DIS3L2: variants seen among roughly 807,000 people sequenced by gnomAD.
The protein encoded by DIS3L2 is DIS3-like exonuclease 2.
In DIS3L2, 34 loss-of-function variants were observed where a neutral mutation model predicts 97.5. The observed-to-expected ratio is 0.35, with a 90% CI of 0.27 to 0.46. The LOEUF (loss-of-function observed/expected upper bound fraction) is 0.46. Among genes scored for constraint, DIS3L2 ranks in the 20% least tolerant of loss-of-function variants. The pLI is 1.00. For missense variants in DIS3L2, 1,038 were observed against 1,146.0 expected, an observed-to-expected ratio of 0.91 and a Z score of 1.36; for synonymous variants, 435 against 445.2, an observed-to-expected ratio of 0.98 and a Z score of 0.29.
At chr2:232,130,943 G>T in intron 7 of DIS3L2, 2 of 538,190 alleles carry the variant, frequency 3.7e-6, no homozygotes, top group South Asian at 3.8e-5. Flanking sequence ...TTTGAGTGTG[G>T]GTATGTTGAT....
At chr2:232,214,114 T>C (rs1005697375) in intron 10 of DIS3L2, among the ~76,000 whole-genome samples, 2 of 152,216 alleles carry the variant, frequency 1.3e-5, no homozygotes, top group South Asian at 2.1e-4. Context: ...AGTGGCGTTA[T>C]AGTGATAACC....
At chr2:232,109,070 T>G (rs1697443685) in intron 6 of DIS3L2, among the ~76,000 whole-genome samples, 1 of 152,200 alleles carries the variant, frequency 6.6e-6, no homozygotes, top group Non-Finnish European at 1.5e-5. Context: ...AAAATTCATA[T>G]GGAACCACAA....
intron 5 of DIS3L2, among the ~76,000 whole-genome samples, chr2:232,056,058 C>T (rs189390390): frequency 4.6e-4 from 70 of 152,164 alleles, no homozygotes; most frequent in African/African-American, 1.5e-3. Context: ...TTAGGGGCAC[C>T]AAAAATTTCT....
chr2:232,029,604 A>G (rs886596668), intron 4 of DIS3L2, among the ~76,000 whole-genome samples: 2 of 151,776 alleles, frequency 1.3e-5, no homozygotes, highest in Non-Finnish European at 2.9e-5. Context: ...TTTGCCCTCT[A>G]CTTAGGTCTC....
rs74964411 is a variant in DIS3L2, at chr2:232,252,469, C to T, written c.1425+3123C>T. 2.8e-3 allele frequency among the ~76,000 whole-genome samples: 429 copies of T among 152,268 alleles called. 1 individual carries two copies. Among genetic ancestry groups the T allele is most frequent in the Non-Finnish European group, 4.7e-3 (317 of 68,014 alleles). On this transcript the variant is annotated intron_variant, in intron 12 of 20. Coordinates refer to ENST00000325385, the MANE Select transcript of DIS3L2 (RefSeq NM_152383.5). ...CTAAGCTGGATCCTCTCGTGGGCTT[C>T]TACATTCTGTCTGTTAGAATCAGTT... is the stretch of plus-strand genomic sequence containing the variant.
At chr2:232,142,930 T>C (rs1036972708) in intron 8 of DIS3L2, among the ~76,000 whole-genome samples, 1 of 152,210 alleles carries the variant, frequency 6.6e-6, no homozygotes, top group Admixed American at 6.5e-5. Context: ...GCATGGAGTT[T>C]CCAACATTGG....
chr2:232,342,793 G>A (rs1457130671), intron 13 of DIS3L2, among the ~76,000 whole-genome samples: 1 of 152,176 alleles, frequency 6.6e-6, no homozygotes, highest in Non-Finnish European at 1.5e-5. Context: ...AGGCTGGGCT[G>A]GGGCCCCTGG....
Position 232,164,345 on chromosome 2 carries a change from G to A in DIS3L2, c.1124+713G>A, listed in dbSNP as rs368137704. Among the ~76,000 whole-genome samples the A allele has an allele frequency of 6.8e-4, 103 of 152,244 alleles. 1 individual carries two copies. The South Asian group carries it at 0.021, about 32-fold the overall frequency. ...TTCTTTGAAGATGTTTCTTCATTGT[G>A]GGATGTTAGTTCTTTTCTGATATTT... On this transcript the variant is annotated intron_variant, in intron 9 of 20. Transcript: ENST00000325385.
At chr2:232,160,572 C>T (rs1453831680) in intron 8 of DIS3L2, among the ~76,000 whole-genome samples, 1 of 152,026 alleles carries the variant, frequency 6.6e-6, no homozygotes, top group Non-Finnish European at 1.5e-5. Context: ...CTGTTTTTCT[C>T]TTTTCAAAGA....
chr2:232,053,507 T>A (rs1695464015), intron 5 of DIS3L2, among the ~76,000 whole-genome samples: 1 of 152,156 alleles, frequency 6.6e-6, no homozygotes, highest in Non-Finnish European at 1.5e-5. Flanking sequence ...CCCCACAGGT[T>A]AAGGGCTTAT....
chr2:232,179,733 C>G (rs1172531493), intron 9 of DIS3L2, among the ~76,000 whole-genome samples: 1 of 108,438 alleles, frequency 9.2e-6, no homozygotes, highest in Non-Finnish European at 1.7e-5. Context: ...AGCGGTCTAT[C>G]AATTTTGTTG....
chr2:232,026,546 G>A (rs1694663339), intron 4 of DIS3L2, among the ~76,000 whole-genome samples: 1 of 151,922 alleles, frequency 6.6e-6, no homozygotes, highest in South Asian at 2.1e-4. Context: ...CCATTGAGGG[G>A]GTGCCTCCGG....
chr2:232,301,207 C>T (rs146505744), intron 14 of DIS3L2, among the ~76,000 whole-genome samples: 5 of 152,296 alleles, frequency 3.3e-5, no homozygotes, highest in African/African-American at 1.2e-4. Context: ...TAAAGTAATT[C>T]ACTCAGGGTG....
intron 10 of DIS3L2, among the ~76,000 whole-genome samples, chr2:232,226,999 CAAAA>C (rs200341353): frequency 6.7e-5 from 10 of 150,084 alleles, no homozygotes; most frequent in Admixed American, 1.3e-4. Flanking sequence ...AAAACAAAAA[CAAAA>C]AAAAACCCAG....
intron 6 of DIS3L2, among the ~76,000 whole-genome samples, chr2:232,103,043 A>G (rs1697251831): frequency 6.6e-6 from 1 of 152,174 alleles, no homozygotes; most frequent in Non-Finnish European, 1.5e-5. Context: ...AAAATTAATG[A>G]AGCCTTCAAG....
chr2:232,343,074 C>T, intron 13 of DIS3L2: 2 of 419,332 alleles, frequency 4.8e-6, no homozygotes, highest in South Asian at 5.7e-5. Context: ...GCTCTGCTGT[C>T]CCCTCCATGT....
At chr2:232,125,044 C>A (rs1352098540) in intron 6 of DIS3L2, among the ~76,000 whole-genome samples, 16 of 152,196 alleles carry the variant, frequency 1.1e-4, no homozygotes, top group Non-Finnish European at 2.2e-4. Context: ...ACACGGCTTT[C>A]CTCCTACTCA....
chr2:232,048,124 A>C (rs1023987500), intron 5 of DIS3L2, among the ~76,000 whole-genome samples: 1 of 152,184 alleles, frequency 6.6e-6, no homozygotes, highest in Non-Finnish European at 1.5e-5. Flanking sequence ...GTTTAACAAA[A>C]ATGATTTTTA....
chr2:231,967,055 G>A (rs1300337704), intron 1 of DIS3L2, among the ~76,000 whole-genome samples: 1 of 152,102 alleles, frequency 6.6e-6, no homozygotes, highest in East Asian at 1.9e-4. Context: ...GGCTGCCTCT[G>A]GGATGTACTA....
Sources: allele counts gnomAD v4.1 joint callset (sites outside exome capture counted in the v4.1 genomes callset), GRCh38; gene constraint gnomAD v4.1.1; transcripts MANE v1.5; gene names NCBI Gene and HGNC (gene_info 2026-07-23, HGNC 2026-07-21).